NTAQ1: variants seen among roughly 807,000 people sequenced by gnomAD.
The protein encoded by NTAQ1 is protein N-terminal glutamine amidohydrolase.
In NTAQ1, 21 loss-of-function variants were observed where a neutral mutation model predicts 28.2. That is an observed-to-expected ratio of 0.74 (90% CI 0.53 to 1.07). NTAQ1 has a LOEUF of 1.07. NTAQ1 is among the 50% of genes least tolerant of loss of function. The pLI is 0.00. For missense variants in NTAQ1, 264 were observed against 256.6 expected (o/e 1.03, Z -0.20); for synonymous variants, 105 against 90.0 (o/e 1.17, Z -0.94).
chr8:123,418,875 C>CT (rs566991229), intron 1 of NTAQ1, among the ~76,000 whole-genome samples: 96 of 152,252 alleles, frequency 6.3e-4, no homozygotes, highest in African/African-American at 2.3e-3. Flanking sequence ...TATTGCAGGA[C>CT]GTGTAGCAGC....
chr8:123,458,061 TA>T (rs57057942), intron 6 of NTAQ1, among the ~76,000 whole-genome samples: 97,672 of 111,984 alleles, frequency 0.87, 42,937 homozygotes, highest in East Asian at 0.98. Flanking sequence ...AGATTTAAAA[TA>T]AAAAAAAAAA....
chr8:123,433,587 A>G (rs1385280901), intron 3 of NTAQ1, among the ~76,000 whole-genome samples: 5 of 152,130 alleles, frequency 3.3e-5, no homozygotes, highest in East Asian at 1.9e-4. Context: ...AGCTGGGGCT[A>G]CAGGTGCATG....
At chr8:123,434,714 G>A (rs543065359) in intron 3 of NTAQ1, among the ~76,000 whole-genome samples, 303 of 152,254 alleles carry the variant, frequency 2.0e-3, no homozygotes, top group African/African-American at 6.8e-3. Flanking sequence ...CTGGCAGGGG[G>A]TGGGAGAAGA....
In NTAQ1 at chr8:123,437,322, A is replaced by G. The variant is rs1281278682; in HGVS notation, c.496A>G (p.Ile166Val). The G allele has an allele frequency of 1.9e-6, 3 of 1,614,104 alleles. No individual in the cohort carries two copies. In the South Asian group the frequency reaches 3.3e-5, roughly 18 times the overall value. Residue 166 changes from isoleucine (I) to valine (V), a missense_variant, in exon 5 of 6, where the codon ATT becomes GTT. Coordinates refer to ENST00000287387, the MANE Select transcript of NTAQ1 (RefSeq NM_018024.3). ...WREPPPPYPC[I>V]ETGDSKMNLN... Reference sequence around the variant, plus strand: ...AGAGCCTCCGCCGCCATATCCCTGCATTGAGACTGGAGGTGAGCCAAGATG... The same window carrying G: ...AGAGCCTCCGCCGCCATATCCCTGCGTTGAGACTGGAGGTGAGCCAAGATG...
Position 123,437,261 on chromosome 8 carries a change from C to T in NTAQ1, c.435C>T (p.Asp145=). ...ADSYLKNFAS[D]RSHMKDSSGN... The stretch of plus-strand genomic sequence containing the variant: ...CATATTTGAAGAACTTTGCTTCTGA[C>T]CGATCTCACATGAAAGACTCCAGTG... The change falls in exon 5 of 6, where the codon GAC becomes GAT. Residue 145 remains aspartate, a synonymous_variant. Coordinates refer to ENST00000287387, the MANE Select transcript of NTAQ1 (RefSeq NM_018024.3). 6.2e-7 allele frequency: 1 copy of T among 1,614,180 alleles called. No homozygotes were observed. Among genetic ancestry groups the T allele is most frequent in the Non-Finnish European group, 8.5e-7 (1 of 1,180,030 alleles).
intron 6 of NTAQ1, among the ~76,000 whole-genome samples, chr8:123,465,206 C>G (rs1367804933): frequency 6.6e-6 from 1 of 152,210 alleles, no homozygotes; most frequent in Non-Finnish European, 1.5e-5. Context: ...AACCACCGTA[C>G]ATTTTCAAAA....
chr8:123,446,828 T>C (rs547781698), downstream of NTAQ1, among the ~76,000 whole-genome samples: 7 of 152,338 alleles, frequency 4.6e-5, no homozygotes, highest in South Asian at 8.3e-4. Flanking sequence ...TTTTTCCAAC[T>C]AGAAGCTGGA....
chr8:123,422,606 G>GTT (rs112284256), intron 1 of NTAQ1, among the ~76,000 whole-genome samples: 1,609 of 134,382 alleles, frequency 0.012, 49 homozygotes, highest in African/African-American at 0.043. Context: ...TCCATTGATA[G>GTT]TTTTTTTTTT....
chr8:123,422,756 C>T (rs1163735225), intron 1 of NTAQ1, among the ~76,000 whole-genome samples: 2 of 151,874 alleles, frequency 1.3e-5, no homozygotes, highest in Non-Finnish European at 2.9e-5. Flanking sequence ...AGGTTTTCTT[C>T]TAGGGTTTTA....
downstream of NTAQ1, among the ~76,000 whole-genome samples, chr8:123,451,787 A>G (rs183648531): frequency 4.6e-5 from 7 of 152,304 alleles, no homozygotes; most frequent in Admixed American, 1.3e-4. Flanking sequence ...AACTCCTGTC[A>G]CCAAAGGGGT....
intron 6 of NTAQ1, among the ~76,000 whole-genome samples, chr8:123,463,044 T>G (rs1815875207): frequency 6.6e-6 from 1 of 152,198 alleles, no homozygotes. Context: ...GGGAATACGG[T>G]GGCTCCAGGA....
chr8:123,468,002 C>T (rs1424521313), exon 7 of NTAQ1, among the ~76,000 whole-genome samples: 1 of 152,166 alleles, frequency 6.6e-6, no homozygotes, highest in Non-Finnish European at 1.5e-5. Flanking sequence ...CCCGCCTTCA[C>T]CTCCCAAAGT....
intron 6 of NTAQ1, among the ~76,000 whole-genome samples, chr8:123,458,099 GTT>G (rs34419855): frequency 0.31 from 27,886 of 90,578 alleles, 1,940 homozygotes; most frequent in East Asian, 0.47. Flanking sequence ...TCCCCTCACT[GTT>G]TTTTTTTTTT....
intron 6 of NTAQ1, among the ~76,000 whole-genome samples, chr8:123,461,748 A>T (rs966514801): frequency 1.3e-5 from 2 of 152,172 alleles, no homozygotes; most frequent in African/African-American, 4.8e-5. Context: ...CTTAATAAGG[A>T]TTTATTGAAA....
intron 5 of NTAQ1, chr8:123,438,313 G>T (rs956380015): frequency 1.6e-6 from 1 of 620,570 alleles, no homozygotes; most frequent in African/African-American, 1.8e-5. Context: ...GTGTGAAAGT[G>T]CTCTGTGAGC....
At chr8:123,440,818 G>A (rs1444996904) in intron 5 of NTAQ1, among the ~76,000 whole-genome samples, 1 of 151,992 alleles carries the variant, frequency 6.6e-6, no homozygotes, top group Non-Finnish European at 1.5e-5. Flanking sequence ...GCCTTTCATC[G>A]AGGGCTAATT....
intron 3 of NTAQ1, chr8:123,435,364 T>A (rs1046127584): frequency 8.3e-5 from 55 of 660,582 alleles, no homozygotes; most frequent in East Asian, 1.4e-4. Flanking sequence ...CTTCTTTTTT[T>A]AAAAAATAGT....
chr8:123,434,895 T>C (rs1054798702), intron 3 of NTAQ1, among the ~76,000 whole-genome samples: 1 of 152,046 alleles, frequency 6.6e-6, no homozygotes, highest in African/African-American at 2.4e-5. Context: ...GTCCAGAGAA[T>C]AGGCATTCAT....
At chr8:123,434,598 C>T (rs1420213526) in intron 3 of NTAQ1, among the ~76,000 whole-genome samples, 1 of 152,160 alleles carries the variant, frequency 6.6e-6, no homozygotes, top group Admixed American at 6.6e-5. Context: ...GTGCTCCAGC[C>T]TGGGTGACAG....
Sources: gnomAD v4.1 joint callset for allele counts (sites outside exome capture counted in the v4.1 genomes callset) on GRCh38, gnomAD v4.1.1 for gene constraint, MANE v1.5 for transcripts, NCBI Gene and HGNC (gene_info 2026-07-23, HGNC 2026-07-21) for gene names.